ZFHX3: variants seen among roughly 807,000 people sequenced by gnomAD.
ZFHX3 encodes the protein zinc finger homeobox 3, also known as zinc finger homeobox protein 3.
Under a neutral mutation model 279.1 loss-of-function variants are expected in ZFHX3, and 42 were observed. The observed-to-expected ratio is 0.15, with a 90% CI of 0.12 to 0.19. The LOEUF is 0.19. Ranked by LOEUF, ZFHX3 falls within the 10% of genes least tolerant of loss-of-function variation. The pLI is 1.00. For missense variants in ZFHX3, 4,981 were observed against 4,754.0 expected (o/e 1.05, Z -1.40); for synonymous variants, 2,293 against 1,957.8 (o/e 1.17, Z -4.52).
intron 2 of ZFHX3, among the ~76,000 whole-genome samples, chr16:73,605,814 G>A (rs964412467): frequency 6.6e-6 from 1 of 152,008 alleles, no homozygotes; most frequent in East Asian, 1.9e-4. Context: ...GCTATCATAT[G>A]GGTACTTATC....
intron 2 of ZFHX3, among the ~76,000 whole-genome samples, chr16:72,957,108 A>G (rs1203412508): frequency 6.6e-6 from 1 of 152,212 alleles, no homozygotes; most frequent in Non-Finnish European, 1.5e-5. Flanking sequence ...AGGTGATTAT[A>G]GTGATTTTTC....
chr16:73,798,077 G>A (rs145115684), intron 1 of ZFHX3, among the ~76,000 whole-genome samples: 44 of 152,120 alleles, frequency 2.9e-4, no homozygotes, highest in Non-Finnish European at 5.0e-4. Context: ...TCAAAGTGCT[G>A]AGATTATATA....
At chr16:73,419,072 C>T (rs968785888) in intron 3 of ZFHX3, among the ~76,000 whole-genome samples, 7 of 152,182 alleles carry the variant, frequency 4.6e-5, no homozygotes, top group Non-Finnish European at 8.8e-5. Flanking sequence ...ACTTCAGCGA[C>T]GTTTGACAAC....
intron 1 of ZFHX3, among the ~76,000 whole-genome samples, chr16:73,009,558 T>G (rs1963838662): frequency 6.6e-6 from 1 of 152,202 alleles, no homozygotes. Context: ...AATCATATAT[T>G]ACTTAAAATC....
intron 2 of ZFHX3, among the ~76,000 whole-genome samples, chr16:73,652,970 G>T (rs1323689282): frequency 6.6e-6 from 1 of 151,974 alleles, no homozygotes; most frequent in East Asian, 1.9e-4. Context: ...AATTCATAAT[G>T]ATGTTTATAA....
At chr16:73,051,311 G>A (rs1428848056), upstream of ZFHX3, among the ~76,000 whole-genome samples, 3 of 152,194 alleles carry the variant, frequency 2.0e-5, no homozygotes, top group Admixed American at 1.3e-4. Flanking sequence ...GAACCATTTG[G>A]AGCTGAATTG....
chr16:73,767,250 T>C lies in ZFHX3; in HGVS notation c.-1607-87010A>G, dbSNP rs116373755. Among the ~76,000 whole-genome samples, 248 of 152,258 alleles carry C rather than the reference T, an allele frequency of 1.6e-3. 2 individuals are homozygous for C. The highest frequency in any genetic ancestry group is 5.7e-3 in the African/African-American group (235 of 41,546). On this transcript the variant is annotated intron_variant, in intron 1 of 17. Transcript: ENST00000641206. The stretch of plus-strand genomic sequence containing the variant: ...CTGCGCCCAGCCTTTGCCACTACTT[T>C]TAATGGCAGAAACTGCAATTACCTT...
rs1274323620 is a variant in ZFHX3, at chr16:73,682,887, AAAG to A, written c.-1607-2650_-1607-2648del. On this transcript the variant is annotated intron_variant, in intron 1 of 17. Transcript: ENST00000641206. The stretch of plus-strand genomic sequence containing the variant: ...GAAAGAAAGAAAGAAAGAAAGAAAG[AAAG>A]AAAGAAAGAAAGAAAGAGAAAGAAA... Among the ~76,000 whole-genome samples the A allele has an allele frequency of 5.3e-4, 14 of 26,308 alleles. 1 individual carries two copies. Among genetic ancestry groups the A allele is most frequent in the African/African-American group, 1.4e-3 (12 of 8,546 alleles). The allele number at this position is 26,308 out of a possible 152,430, so 17.3% of individuals were successfully genotyped here. A position where few individuals can be genotyped will look rare whatever the true frequency, so the allele number is the denominator to read the frequency against.
At chr16:73,535,004 TG>T (rs1458049381) in intron 2 of ZFHX3, among the ~76,000 whole-genome samples, 1 of 151,916 alleles carries the variant, frequency 6.6e-6, no homozygotes, top group Non-Finnish European at 1.5e-5. Context: ...GATTAAGCGA[TG>T]TGATGGTAAA....
intron 1 of ZFHX3, among the ~76,000 whole-genome samples, chr16:73,833,071 C>A (rs145509946): frequency 1.3e-5 from 2 of 152,182 alleles, no homozygotes; most frequent in African/African-American, 4.8e-5. Flanking sequence ...TTTACATAGG[C>A]TTCTAGCAAT....
intron 4 of ZFHX3, among the ~76,000 whole-genome samples, chr16:73,269,813 A>G (rs2014090868): frequency 6.6e-6 from 1 of 151,150 alleles, no homozygotes; most frequent in African/African-American, 2.4e-5. Flanking sequence ...CGGTGGCGTG[A>G]TCTTGGCTCA....
chr16:73,273,575 C>A (rs1597255783), intron 4 of ZFHX3, among the ~76,000 whole-genome samples: 1 of 152,186 alleles, frequency 6.6e-6, no homozygotes, highest in African/African-American at 2.4e-5. Flanking sequence ...GAACCACACT[C>A]TTCTCCACTT....
At chr16:72,924,490 G>T (rs6499597) in intron 3 of ZFHX3, among the ~76,000 whole-genome samples, 1,999 of 152,272 alleles carry the variant, frequency 0.013, 38 homozygotes, top group African/African-American at 0.044. Flanking sequence ...CTGGTTATGG[G>T]TTTTGACATA....
At chr16:73,389,496 C>T (rs2016968342) in intron 3 of ZFHX3, among the ~76,000 whole-genome samples, 1 of 152,154 alleles carries the variant, frequency 6.6e-6, no homozygotes, top group African/African-American at 2.4e-5. Context: ...AGTCATGGAG[C>T]CATGTAATTA....
At chr16:73,279,866 C>T (rs1007337496) in intron 4 of ZFHX3, among the ~76,000 whole-genome samples, 1 of 152,176 alleles carries the variant, frequency 6.6e-6, no homozygotes, top group African/African-American at 2.4e-5. Context: ...ACCTAAGATG[C>T]TCTTGTAGTC....
chr16:73,529,676 G>A (rs1332467261), intron 2 of ZFHX3, among the ~76,000 whole-genome samples: 1 of 152,196 alleles, frequency 6.6e-6, no homozygotes, highest in Non-Finnish European at 1.5e-5. Context: ...TACCTCTGAG[G>A]AAGTCAATGG....
intron 5 of ZFHX3, among the ~76,000 whole-genome samples, chr16:73,211,009 T>C (rs1042656260): frequency 3.9e-5 from 6 of 152,066 alleles, no homozygotes; most frequent in South Asian, 2.1e-4. Context: ...CAGGAAGATA[T>C]CTCTTTAGTT....
chr16:72,963,471 T>C (rs572379070), intron 1 of ZFHX3, among the ~76,000 whole-genome samples: 3 of 152,312 alleles, frequency 2.0e-5, no homozygotes, highest in African/African-American at 7.2e-5. Flanking sequence ...ACTGTCTGCT[T>C]AGCACTTAAA....
At chr16:72,997,744 A>G (rs1350758260) in intron 1 of ZFHX3, among the ~76,000 whole-genome samples, 1 of 152,152 alleles carries the variant, frequency 6.6e-6, no homozygotes, top group Non-Finnish European at 1.5e-5. Flanking sequence ...TAAAAGGGGA[A>G]CCACCTATCT....
Sources: gnomAD v4.1 joint callset for allele counts (sites outside exome capture counted in the v4.1 genomes callset) on GRCh38, gnomAD v4.1.1 for gene constraint, MANE v1.5 for transcripts, NCBI Gene and HGNC (gene_info 2026-07-23, HGNC 2026-07-21) for gene names.